NRXN1: variants seen among roughly 807,000 people sequenced by gnomAD.
The protein encoded by NRXN1 is neurexin-1.
NRXN1 carries 39 observed loss-of-function variants against 150.9 expected under a neutral mutation model. The observed-to-expected ratio is 0.26, with a 90% confidence interval of 0.20 to 0.34. The LOEUF (loss-of-function observed/expected upper bound fraction) is 0.34. Among genes scored for constraint, NRXN1 ranks in the 10% least tolerant of loss-of-function variants. NRXN1 has a pLI of 1.00. For missense variants in NRXN1, 1,815 were observed against 1,949.9 expected, an observed-to-expected ratio of 0.93 and a Z score of 1.30; for synonymous variants, 924 against 757.0, an observed-to-expected ratio of 1.22 and a Z score of -3.62.
chr2:50,000,808 G>C (rs1683792042), intron 21 of NRXN1, among the ~76,000 whole-genome samples: 1 of 152,090 alleles, frequency 6.6e-6, no homozygotes, highest in African/African-American at 2.4e-5. Flanking sequence ...AGAAATCTGA[G>C]CATAAAACTG....
intron 2 of NRXN1, among the ~76,000 whole-genome samples, chr2:50,964,422 G>A (rs1392857962): frequency 6.6e-6 from 1 of 151,390 alleles, no homozygotes. Flanking sequence ...TGAAGATGGT[G>A]AACACGAAAA....
chr2:50,567,566 A>G (rs1289306778), intron 8 of NRXN1, among the ~76,000 whole-genome samples: 3 of 137,144 alleles, frequency 2.2e-5, no homozygotes, highest in African/African-American at 9.1e-5. Flanking sequence ...CAAATTTTAA[A>G]TAAAGATATA....
intron 17 of NRXN1, among the ~76,000 whole-genome samples, chr2:50,416,441 T>C (rs2083545036): frequency 6.6e-6 from 1 of 152,120 alleles, no homozygotes; most frequent in African/African-American, 2.4e-5. Context: ...AATATCCCTT[T>C]GGTCTTATGC....
chr2:50,093,213 C>A (rs1699810739), intron 18 of NRXN1, among the ~76,000 whole-genome samples: 1 of 152,026 alleles, frequency 6.6e-6, no homozygotes, highest in South Asian at 2.1e-4. Context: ...TCAGTCTACA[C>A]AATACTAAAA....
chr2:50,883,465 C>A (rs1005835605), intron 5 of NRXN1, among the ~76,000 whole-genome samples: 10 of 150,860 alleles, frequency 6.6e-5, no homozygotes, highest in Admixed American at 5.3e-4. Flanking sequence ...CAACTGTACC[C>A]TACAGCAAAT....
At chr2:50,493,851 A>C (rs2091405060) in intron 15 of NRXN1, among the ~76,000 whole-genome samples, 1 of 152,230 alleles carries the variant, frequency 6.6e-6, no homozygotes, top group South Asian at 2.1e-4. Context: ...TTTTTAAAAA[A>C]ACACAAGTAC....
At chr2:50,643,161 C>G (rs755275993) in intron 5 of NRXN1, among the ~76,000 whole-genome samples, 1 of 151,824 alleles carries the variant, frequency 6.6e-6, no homozygotes, top group Non-Finnish European at 1.5e-5. Context: ...ATATTTTTAT[C>G]TTGATTTTGT....
At chr2:50,092,207 C>T (rs1006399291) in intron 18 of NRXN1, among the ~76,000 whole-genome samples, 1 of 152,128 alleles carries the variant, frequency 6.6e-6, no homozygotes, top group Non-Finnish European at 1.5e-5. Flanking sequence ...AAAATGAACG[C>T]CCTCTTCACT....
chr2:50,943,141 C>G (rs377164162), intron 2 of NRXN1, among the ~76,000 whole-genome samples: 292 of 152,192 alleles, frequency 1.9e-3, no homozygotes, highest in African/African-American at 6.6e-3. Context: ...TGCCCTACTT[C>G]CCCTGCACCT....
chr2:50,170,033 T>C (rs2059931137), intron 18 of NRXN1, among the ~76,000 whole-genome samples: 1 of 152,024 alleles, frequency 6.6e-6, no homozygotes, highest in Non-Finnish European at 1.5e-5. Flanking sequence ...AAATATATTT[T>C]ACTTGGTGAC....
intron 17 of NRXN1, among the ~76,000 whole-genome samples, chr2:50,259,353 T>G (rs963058783): frequency 6.6e-6 from 1 of 151,896 alleles, no homozygotes; most frequent in Non-Finnish European, 1.5e-5. Flanking sequence ...GTAGAAGATG[T>G]GCCATTCACT....
chr2:50,170,091 T>G (rs1242157219), intron 18 of NRXN1, among the ~76,000 whole-genome samples: 5 of 152,010 alleles, frequency 3.3e-5, no homozygotes, highest in Non-Finnish European at 7.4e-5. Flanking sequence ...TAAAAGTTTA[T>G]ATATCTTTAT....
At chr2:50,042,904 C>T (rs1017094075) in intron 21 of NRXN1, among the ~76,000 whole-genome samples, 1 of 151,968 alleles carries the variant, frequency 6.6e-6, no homozygotes, top group East Asian at 1.9e-4. Flanking sequence ...TCTTCCTGTG[C>T]CATTAACACT....
intron 17 of NRXN1, among the ~76,000 whole-genome samples, chr2:50,433,009 G>C (rs1473221508): frequency 6.6e-6 from 1 of 152,172 alleles, no homozygotes; most frequent in Non-Finnish European, 1.5e-5. Context: ...ACATGGAAAT[G>C]AGTCCCTCAG....
At chr2:50,922,836 A>C in intron 3 of NRXN1, 149 bp from the exon 4 acceptor site, 2 of 869,368 alleles carry the variant, frequency 2.3e-6, no homozygotes, top group Non-Finnish European at 3.8e-6. Flanking sequence ...GCATTCTTTC[A>C]ACCCCTGGTT....
intron 5 of NRXN1, among the ~76,000 whole-genome samples, chr2:50,800,553 T>A (rs576760424): frequency 1.3e-5 from 2 of 152,038 alleles, no homozygotes; most frequent in African/African-American, 4.8e-5. Flanking sequence ...AAATTAATAA[T>A]GAATTTTTTT....
At chr2:50,136,098 T>A (rs1220617403) in intron 18 of NRXN1, among the ~76,000 whole-genome samples, 2 of 152,128 alleles carry the variant, frequency 1.3e-5, no homozygotes, top group Non-Finnish European at 2.9e-5. Flanking sequence ...TTCGGAAGAG[T>A]CAAAGGAATA....
At chr2:50,590,314 T>C (rs1252525747) in intron 8 of NRXN1, among the ~76,000 whole-genome samples, 1 of 152,192 alleles carries the variant, frequency 6.6e-6, no homozygotes, top group Admixed American at 6.5e-5. Context: ...TATATATACA[T>C]ATACATACTG....
chr2:50,082,707 A>C (rs1002856411), intron 19 of NRXN1, among the ~76,000 whole-genome samples: 11 of 152,216 alleles, frequency 7.2e-5, no homozygotes, highest in Admixed American at 4.6e-4. Context: ...TAGGAAACTC[A>C]TGAGTTGCTA....
Sources: allele counts gnomAD v4.1 joint callset (sites outside exome capture counted in the v4.1 genomes callset), GRCh38; gene constraint gnomAD v4.1.1; transcripts MANE v1.5; gene names NCBI Gene and HGNC (gene_info 2026-07-23, HGNC 2026-07-21).